Variants in CHSY3 observed in about 807,000 individuals in gnomAD.
The protein encoded by CHSY3 is chondroitin sulfate synthase 3, also known as N-acetylgalactosaminyl-proteoglycan 3-beta-glucuronosyltransferase 3.
In CHSY3, 35 loss-of-function variants were observed where a neutral mutation model predicts 67.2. That is an observed-to-expected ratio of 0.52 (90% CI 0.40 to 0.69). The LOEUF (loss-of-function observed/expected upper bound fraction) is 0.69, where lower values mean the gene tolerates loss of function less well. Ranked by LOEUF, CHSY3 falls within the 30% of genes least tolerant of loss-of-function variation. The pLI, the probability that CHSY3 is intolerant of heterozygous loss-of-function variation, is 0.00. For missense variants in CHSY3, 1,069 were observed against 1,138.5 expected (o/e 0.94, Z 0.88); for synonymous variants, 474 against 434.7 (o/e 1.09, Z -1.12).
chr5:130,127,196 T>C (rs10061184), intron 2 of CHSY3, among the ~76,000 whole-genome samples: 3,965 of 122,594 alleles, frequency 0.032, 175 homozygotes, highest in African/African-American at 0.11. Flanking sequence ...CACATTTTTC[T>C]CTTGAGCCAA....
At chr5:130,184,201 C>T (rs1770336323) in intron 2 of CHSY3, 28 bp from the exon 3 acceptor site, 1 of 1,431,020 alleles carries the variant, frequency 7.0e-7, no homozygotes, top group Non-Finnish European at 9.2e-7. Context: ...TTAAAATTAA[C>T]CCTGATTTTT....
rs1764590775 is a variant in CHSY3, at chr5:130,027,787, C to T, written c.1086+119427C>T. Among the ~76,000 whole-genome samples the T allele has an allele frequency of 3.3e-5, 5 of 152,250 alleles. No homozygotes were observed. In the South Asian group the frequency reaches 1.0e-3, roughly 32 times the overall value. Reference sequence around the variant, plus strand: ...GTTTCCAGCTTCATCCATGTCCCTACAAAGGACATGAACTCATCCATTTTT... The same window carrying T: ...GTTTCCAGCTTCATCCATGTCCCTATAAAGGACATGAACTCATCCATTTTT... On this transcript the variant is annotated intron_variant, in intron 2 of 2. Coordinates refer to ENST00000305031, the MANE Select transcript of CHSY3 (RefSeq NM_175856.5).
At chr5:130,175,758 G>T (rs1002665857) in intron 2 of CHSY3, among the ~76,000 whole-genome samples, 6 of 152,150 alleles carry the variant, frequency 3.9e-5, no homozygotes, top group African/African-American at 1.4e-4. Context: ...AACAGGGAAA[G>T]GATTCCCTAT....
chr5:130,133,437 C>T (rs1302698200), intron 2 of CHSY3, among the ~76,000 whole-genome samples: 1 of 151,850 alleles, frequency 6.6e-6, no homozygotes, highest in Non-Finnish European at 1.5e-5. Flanking sequence ...TTTTATGTCC[C>T]TAAAAGCTGG....
chr5:129,942,192 C>T (rs551728254), intron 2 of CHSY3, among the ~76,000 whole-genome samples: 24 of 152,192 alleles, frequency 1.6e-4, no homozygotes, highest in Non-Finnish European at 2.4e-4. Context: ...ATTCTGCTTC[C>T]TGAAGCCTGT....
intron 2 of CHSY3, among the ~76,000 whole-genome samples, chr5:130,118,498 T>A (rs1473558644): frequency 6.6e-6 from 1 of 150,888 alleles, no homozygotes; most frequent in Non-Finnish European, 1.5e-5. Context: ...TATGTGTGTG[T>A]GTGTATATAT....
chr5:130,015,620 G>C (rs1112793), intron 2 of CHSY3, among the ~76,000 whole-genome samples: 88,231 of 152,048 alleles, frequency 0.58, 25,708 homozygotes, highest in East Asian at 0.61. Flanking sequence ...GAAAGGGGAA[G>C]ACTTACACAG....
At chr5:129,995,357 A>G (rs1404275362) in intron 2 of CHSY3, among the ~76,000 whole-genome samples, 1 of 152,006 alleles carries the variant, frequency 6.6e-6, no homozygotes, top group Non-Finnish European at 1.5e-5. Context: ...TGTATTGCAG[A>G]TATCTTCACC....
At chr5:129,925,880 T>C (rs1487031867) in intron 2 of CHSY3, among the ~76,000 whole-genome samples, 1 of 113,718 alleles carries the variant, frequency 8.8e-6, no homozygotes, top group East Asian at 2.9e-4. Flanking sequence ...TATACTAATG[T>C]GTGTGTATAT....
intron 2 of CHSY3, among the ~76,000 whole-genome samples, chr5:130,048,587 G>A (rs1765225903): frequency 6.6e-6 from 1 of 151,994 alleles, no homozygotes; most frequent in African/African-American, 2.4e-5. Context: ...AGGTGCTCGT[G>A]TATTCAGTTA....
At chr5:129,948,792 A>C (rs1049438006) in intron 2 of CHSY3, among the ~76,000 whole-genome samples, 1 of 152,228 alleles carries the variant, frequency 6.6e-6, no homozygotes, top group African/African-American at 2.4e-5. Flanking sequence ...ACTAGTTTAC[A>C]TCCCCACCAG....
At chr5:129,919,142 T>G (rs1760835200) in intron 2 of CHSY3, among the ~76,000 whole-genome samples, 1 of 150,924 alleles carries the variant, frequency 6.6e-6, no homozygotes, top group South Asian at 2.1e-4. Flanking sequence ...AAAAAATTTA[T>G]TCTGCTAATA....
At chr5:130,048,096 A>C (rs993084119) in intron 2 of CHSY3, among the ~76,000 whole-genome samples, 19 of 147,374 alleles carry the variant, frequency 1.3e-4, no homozygotes, top group African/African-American at 5.1e-4. Flanking sequence ...AGTAGAACGA[A>C]GTACGGATTT....
intron 2 of CHSY3, among the ~76,000 whole-genome samples, chr5:130,086,182 G>T (rs1161803686): frequency 6.6e-6 from 1 of 151,968 alleles, no homozygotes; most frequent in African/African-American, 2.4e-5. Flanking sequence ...TTTCTGTCTC[G>T]TTGATCTGTC....
At chr5:130,114,876 T>C (rs1182389064) in intron 2 of CHSY3, among the ~76,000 whole-genome samples, 1 of 152,136 alleles carries the variant, frequency 6.6e-6, no homozygotes, top group African/African-American at 2.4e-5. Context: ...ATCTGTTGCC[T>C]ACAGGACCAT....
chr5:130,153,353 G>T (rs1214305338), intron 2 of CHSY3, among the ~76,000 whole-genome samples: 1 of 151,162 alleles, frequency 6.6e-6, no homozygotes, highest in Non-Finnish European at 1.5e-5. Flanking sequence ...ACATAAATTT[G>T]TTGCCTTTGT....
At chr5:129,959,343 G>A (rs909148452) in intron 2 of CHSY3, among the ~76,000 whole-genome samples, 1 of 151,984 alleles carries the variant, frequency 6.6e-6, no homozygotes, top group Non-Finnish European at 1.5e-5. Flanking sequence ...TATCCAGAAT[G>A]TTGTTTTTTG....
At chr5:130,159,080 G>A (rs113417043) in intron 2 of CHSY3, among the ~76,000 whole-genome samples, 3,753 of 148,520 alleles carry the variant, frequency 0.025, 145 homozygotes, top group African/African-American at 0.086. Context: ...GATTACAGGC[G>A]TGAACCATGG....
chr5:129,916,146 T>A (rs2149579458), intron 2 of CHSY3, among the ~76,000 whole-genome samples: 1 of 152,354 alleles, frequency 6.6e-6, no homozygotes, highest in South Asian at 2.1e-4. Context: ...AAAGAGCCCT[T>A]CAAGGATGTT....
Sources: gnomAD v4.1 joint callset for allele counts (sites outside exome capture counted in the v4.1 genomes callset) on GRCh38, gnomAD v4.1.1 for gene constraint, MANE v1.5 for transcripts, NCBI Gene and HGNC (gene_info 2026-07-23, HGNC 2026-07-21) for gene names.